Variants in CSMD1 observed in about 807,000 individuals in gnomAD.
CSMD1 encodes CUB and sushi domain-containing protein 1.
In CSMD1, 213 loss-of-function variants were observed where a neutral mutation model predicts 417.5. The observed-to-expected ratio is 0.51, with a 90% confidence interval of 0.46 to 0.57. The LOEUF is 0.57. Ranked by LOEUF, CSMD1 falls within the 20% of genes least tolerant of loss-of-function variation. The probability of loss-of-function intolerance (pLI) is 0.00; values close to 1 mark genes in which losing one functional copy is unlikely to be tolerated. For synonymous variants in CSMD1, 2,862 were observed against 1,736.8 expected, an observed-to-expected ratio of 1.65 and a Z score of -16.11; for missense variants, 6,923 against 4,529.7, an observed-to-expected ratio of 1.53 and a Z score of -15.17.
intron 3 of CSMD1, among the ~76,000 whole-genome samples, chr8:4,041,104 C>T (rs367665493): frequency 6.7e-6 from 1 of 150,046 alleles, no homozygotes; most frequent in Non-Finnish European, 1.5e-5. Context: ...GCAAGCTCCG[C>T]CTCCCGGGTT....
chr8:3,238,369 G>C (rs1309406065), intron 26 of CSMD1, among the ~76,000 whole-genome samples: 1 of 152,044 alleles, frequency 6.6e-6, no homozygotes, highest in Non-Finnish European at 1.5e-5. Flanking sequence ...AGGTCACAGG[G>C]GATATGATGG....
At chr8:4,738,907 G>GTGTGTGTGTGTA (rs757113869) in intron 1 of CSMD1, among the ~76,000 whole-genome samples, 2,326 of 151,958 alleles carry the variant, frequency 0.015, 57 homozygotes, top group African/African-American at 0.048. Context: ...GTGTGTTTGT[G>GTGTGTGTGTGTA]TGTGTGTGTG....
chr8:4,830,145 G>C (rs1800067175), intron 1 of CSMD1, among the ~76,000 whole-genome samples: 1 of 152,166 alleles, frequency 6.6e-6, no homozygotes. Context: ...AATCACTCCT[G>C]AGAAATCTGA....
intron 36 of CSMD1, among the ~76,000 whole-genome samples, chr8:3,184,937 G>C (rs1211111609): frequency 1.3e-5 from 2 of 152,206 alleles, no homozygotes; most frequent in South Asian, 2.1e-4. Flanking sequence ...AAGTGCATCA[G>C]GCTACCACTT....
chr8:4,104,927 A>G lies in CSMD1; in HGVS notation c.416-72828T>C, dbSNP rs576839780. On this transcript the variant is annotated intron_variant, in intron 3 of 69. Coordinates refer to ENST00000635120, the MANE Select transcript of CSMD1 (RefSeq NM_033225.6). ...TCCCACTGTGAGTGAGAATTACACA[A>G]CAGTAGTTTAAACATGCTTGCTCAC... 3.3e-5 allele frequency among the ~76,000 whole-genome samples: 5 copies of G among 152,310 alleles called. No individual in the cohort carries two copies. In the South Asian group the frequency reaches 1.0e-3, roughly 32 times the overall value.
At chr8:4,491,075 T>C (rs1253539243) in intron 2 of CSMD1, among the ~76,000 whole-genome samples, 1 of 152,082 alleles carries the variant, frequency 6.6e-6, no homozygotes, top group Non-Finnish European at 1.5e-5. Flanking sequence ...CAGGACCTAA[T>C]AAGACATGAG....
chr8:4,991,871 G>C (rs1415338407), intron 1 of CSMD1, among the ~76,000 whole-genome samples: 2 of 152,176 alleles, frequency 1.3e-5, no homozygotes, highest in Non-Finnish European at 2.9e-5. Flanking sequence ...AGGCGTGGAG[G>C]AGACACGGTC....
chr8:4,758,935 G>T (rs1269370307), intron 1 of CSMD1, among the ~76,000 whole-genome samples: 1 of 152,208 alleles, frequency 6.6e-6, no homozygotes. Flanking sequence ...GGGGATTTCA[G>T]TAGCAGACGG....
At chr8:4,293,482 G>C (rs1797489250) in intron 3 of CSMD1, among the ~76,000 whole-genome samples, 2 of 152,072 alleles carry the variant, frequency 1.3e-5, no homozygotes, top group African/African-American at 4.8e-5. Flanking sequence ...TATATATCTA[G>C]CTCAGTATGC....
chr8:4,639,685 A>T (rs1175004461), intron 1 of CSMD1, among the ~76,000 whole-genome samples: 1 of 152,214 alleles, frequency 6.6e-6, no homozygotes, highest in East Asian at 1.9e-4. Context: ...TCTTATTGTT[A>T]AAGTACAAAT....
intron 3 of CSMD1, among the ~76,000 whole-genome samples, chr8:4,327,448 C>A (rs1039428961): frequency 2.6e-5 from 4 of 152,256 alleles, no homozygotes; most frequent in South Asian, 2.1e-4. Context: ...TTGTTTGCAG[C>A]CTCCAGGTTG....
intron 37 of CSMD1, among the ~76,000 whole-genome samples, chr8:3,180,068 G>T (rs1206725117): frequency 2.0e-5 from 3 of 152,118 alleles, no homozygotes; most frequent in Non-Finnish European, 4.4e-5. Context: ...CCATGTATTT[G>T]CTTATTTGCA....
chr8:3,328,118 T>C (rs1806653413), intron 23 of CSMD1, among the ~76,000 whole-genome samples: 1 of 152,350 alleles, frequency 6.6e-6, no homozygotes, highest in South Asian at 2.1e-4. Context: ...GTTTCTGCTA[T>C]TGTGATTCAA....
intron 49 of CSMD1, among the ~76,000 whole-genome samples, chr8:3,075,482 C>T (rs554128178): frequency 5.3e-5 from 8 of 151,542 alleles, no homozygotes; most frequent in East Asian, 2.0e-4. Flanking sequence ...GGTTTTTCCA[C>T]GTTGGTCAGG....
intron 1 of CSMD1, among the ~76,000 whole-genome samples, chr8:4,684,487 G>A (rs1488101728): frequency 3.9e-5 from 6 of 152,054 alleles, no homozygotes; most frequent in East Asian, 3.9e-4. Flanking sequence ...GGATCACCCC[G>A]GCTGGAGAGA....
intron 3 of CSMD1, among the ~76,000 whole-genome samples, chr8:4,312,436 T>TATATACGTAC (rs1563435289): frequency 2.6e-5 from 3 of 116,910 alleles, no homozygotes; most frequent in African/African-American, 1.5e-4. Context: ...TATATATATA[T>TATATACGTAC]GCGTATATAT....
intron 7 of CSMD1, among the ~76,000 whole-genome samples, chr8:3,637,231 T>G (rs761693424): frequency 4.4e-4 from 67 of 152,238 alleles, no homozygotes; most frequent in Non-Finnish European, 8.2e-4. Flanking sequence ...ACTAGGTAAT[T>G]TGTAATCAGA....
chr8:4,984,057 T>C (rs979116766), intron 1 of CSMD1, among the ~76,000 whole-genome samples: 1 of 152,138 alleles, frequency 6.6e-6, no homozygotes, highest in African/African-American at 2.4e-5. Flanking sequence ...GGGAGAGAGA[T>C]GCTGTACCCT....
intron 30 of CSMD1, among the ~76,000 whole-genome samples, chr8:3,211,485 A>T (rs1419895032): frequency 6.6e-6 from 1 of 152,232 alleles, no homozygotes; most frequent in Admixed American, 6.5e-5. Flanking sequence ...ATGTCAGATC[A>T]AAAGGGTTTG....
Sources: allele counts gnomAD v4.1 joint callset (sites outside exome capture counted in the v4.1 genomes callset), GRCh38; gene constraint gnomAD v4.1.1; transcripts MANE v1.5; gene names NCBI Gene and HGNC (gene_info 2026-07-23, HGNC 2026-07-21).